RAD51B: variants seen among roughly 807,000 people sequenced by gnomAD.
The protein encoded by RAD51B is RAD51 paralog B, also known as DNA repair protein RAD51 homolog 2.
RAD51B carries 38 observed loss-of-function variants against 42.2 expected under a neutral mutation model. That is an observed-to-expected ratio of 0.90 (90% CI 0.70 to 1.18). The LOEUF is 1.18. Ranked by LOEUF, RAD51B falls within the 50% of genes most tolerant of loss-of-function variation. The pLI is 0.00. For missense variants in RAD51B, 373 were observed against 400.7 expected (o/e 0.93, Z 0.59); for synonymous variants, 154 against 145.2 (o/e 1.06, Z -0.43).
intron 7 of RAD51B, among the ~76,000 whole-genome samples, chr14:67,961,147 C>T (rs568636539): frequency 3.9e-5 from 6 of 151,934 alleles, no homozygotes; most frequent in Admixed American, 3.9e-4. Context: ...GCTGGGGCCA[C>T]AGGTGTGCGC....
chr14:68,199,670 C>A lies in RAD51B; in HGVS notation c.757-92214C>A, dbSNP rs546700501. 3.7e-4 allele frequency among the ~76,000 whole-genome samples: 57 copies of A among 152,358 alleles called. 1 individual carries two copies. The highest frequency in any genetic ancestry group is 1.4e-3 in the African/African-American group (57 of 41,588). ...TTCATCTCATTCCGTCCTCCCCCTT[C>A]AGTTCTTTGGTCCGAGACCCAATAG... is the stretch of plus-strand genomic sequence containing the variant. On this transcript the variant is annotated intron_variant, in intron 7 of 10. Coordinates refer to ENST00000471583, the MANE Select transcript of RAD51B (RefSeq NM_133510.4).
rs866326034 is a variant in RAD51B, at chr14:67,889,527, A to T, written c.756+2323A>T. Among the ~76,000 whole-genome samples, 8 of 148,210 alleles carry T rather than the reference A, an allele frequency of 5.4e-5. No homozygotes were observed. The South Asian group carries it at 1.7e-3, about 31-fold the overall frequency. ...TATATAAATATAAATATATAAAAAT[A>T]AAAAATATATATAATAAAAATATAT... On this transcript the variant is annotated intron_variant, in intron 7 of 10. Coordinates refer to ENST00000471583, the MANE Select transcript of RAD51B (RefSeq NM_133510.4).
chr14:67,823,934 A>G (rs1312012392), intron 2 of RAD51B, among the ~76,000 whole-genome samples: 1 of 152,252 alleles, frequency 6.6e-6, no homozygotes, highest in Non-Finnish European at 1.5e-5. Flanking sequence ...ACTATTCAAC[A>G]TGTATCATTT....
chr14:68,265,889 G>T (rs1016487885), intron 7 of RAD51B, among the ~76,000 whole-genome samples: 1 of 152,218 alleles, frequency 6.6e-6, no homozygotes, highest in Non-Finnish European at 1.5e-5. Flanking sequence ...TTTTGAGAGA[G>T]ATATAAATAT....
intron 8 of RAD51B, among the ~76,000 whole-genome samples, chr14:68,326,201 C>T (rs1411363128): frequency 3.3e-5 from 5 of 151,550 alleles, no homozygotes; most frequent in Admixed American, 6.6e-5. Context: ...CCACCACACC[C>T]GGCTAATGTT....
intron 10 of RAD51B, chr14:68,540,364 G>C: frequency 9.5e-7 from 1 of 1,051,064 alleles, no homozygotes; most frequent in Non-Finnish European, 1.1e-6. Context: ...ATTGAGATAA[G>C]GTCCACTTAC....
At chr14:68,265,209 A>G (rs1482423488) in intron 7 of RAD51B, among the ~76,000 whole-genome samples, 1 of 152,260 alleles carries the variant, frequency 6.6e-6, no homozygotes, top group Non-Finnish European at 1.5e-5. Context: ...ATTCAGAACT[A>G]GAATTATAAT....
At chr14:68,411,990 C>T (rs944526244) in intron 9 of RAD51B, among the ~76,000 whole-genome samples, 2 of 152,192 alleles carry the variant, frequency 1.3e-5, no homozygotes, top group African/African-American at 4.8e-5. Context: ...TTAACGCATA[C>T]ACCTGTAGTG....
In RAD51B at chr14:68,565,506, C is replaced by A. The variant is rs1889379379; in HGVS notation, c.1037-28979C>A. ...CTCTGTCTCAAAAAAAAAAGAAGTTCTTTCTTACATTGAGGTGGAATCTGC... is the reference window on the plus strand; with the variant it reads ...CTCTGTCTCAAAAAAAAAAGAAGTTATTTCTTACATTGAGGTGGAATCTGC... On this transcript the variant is annotated intron_variant, in intron 10 of 10. Transcript: ENST00000487270. The surrounding 1 kb of genome is among the most constrained non-coding windows in gnomAD (Gnocchi z 4.1). Among the ~76,000 whole-genome samples the A allele has an allele frequency of 6.6e-6, 1 of 152,014 alleles. No homozygotes were observed. Among genetic ancestry groups the A allele is most frequent in the Non-Finnish European group, 1.5e-5 (1 of 68,004 alleles).
At chr14:68,429,068 T>A (rs1194527917) in intron 9 of RAD51B, among the ~76,000 whole-genome samples, 1 of 152,096 alleles carries the variant, frequency 6.6e-6, no homozygotes, top group Non-Finnish European at 1.5e-5. Flanking sequence ...TCCATGTCCC[T>A]ACAAAGGACA....
intron 7 of RAD51B, among the ~76,000 whole-genome samples, chr14:68,050,550 T>A (rs978856814): frequency 6.6e-6 from 1 of 152,212 alleles, no homozygotes; most frequent in Non-Finnish European, 1.5e-5. Context: ...CTGTGAGTAG[T>A]CCACCATCAA....
At chr14:68,350,892 A>G (rs1362901674) in intron 8 of RAD51B, among the ~76,000 whole-genome samples, 2 of 152,250 alleles carry the variant, frequency 1.3e-5, no homozygotes, top group Non-Finnish European at 2.9e-5. Context: ...AACTACCAGT[A>G]CAACTTAAGT....
At chr14:68,442,191 C>G (rs980741106) in intron 9 of RAD51B, among the ~76,000 whole-genome samples, 1 of 152,144 alleles carries the variant, frequency 6.6e-6, no homozygotes, top group South Asian at 2.1e-4. Context: ...TCTCTTTACT[C>G]TGCGTCCAGT....
At chr14:68,574,326 G>A (rs1049051874) in intron 10 of RAD51B, among the ~76,000 whole-genome samples, 12 of 152,064 alleles carry the variant, frequency 7.9e-5, no homozygotes, top group Admixed American at 2.0e-4. Flanking sequence ...AGGCTCAAGC[G>A]ATCCACCCGC....
intron 7 of RAD51B, among the ~76,000 whole-genome samples, chr14:68,103,469 G>C (rs897417561): frequency 6.6e-6 from 1 of 152,086 alleles, no homozygotes; most frequent in Non-Finnish European, 1.5e-5. Context: ...GCAACCAGAA[G>C]GTGAGGAACA....
At chr14:68,220,407 A>G (rs1390697783) in intron 7 of RAD51B, among the ~76,000 whole-genome samples, 1 of 152,192 alleles carries the variant, frequency 6.6e-6, no homozygotes, top group Non-Finnish European at 1.5e-5. Flanking sequence ...ATTTGACAAA[A>G]TCCAGCATCC....
chr14:68,638,909 T>A (rs1595041885), intron 10 of RAD51B, among the ~76,000 whole-genome samples: 1 of 152,204 alleles, frequency 6.6e-6, no homozygotes, highest in Middle Eastern at 3.4e-3. Context: ...GCACGTCGGG[T>A]ACTCAAACTC....
intron 7 of RAD51B, among the ~76,000 whole-genome samples, chr14:68,183,368 A>AAGGCCTAT (rs11282673): frequency 0.82 from 124,865 of 151,778 alleles, 51,574 homozygotes; most frequent in East Asian, 0.98. Flanking sequence ...GAGAAAGATG[A>AAGGCCTAT]AGACTCAGCA....
intron 7 of RAD51B, among the ~76,000 whole-genome samples, chr14:67,924,916 G>C (rs549108470): frequency 3.3e-5 from 5 of 152,232 alleles, no homozygotes; most frequent in Non-Finnish European, 5.9e-5. Context: ...CCTTCCGCCT[G>C]TGAGCCTGTA....
Sources: gnomAD v4.1 joint callset for allele counts (sites outside exome capture counted in the v4.1 genomes callset) on GRCh38, gnomAD v4.1.1 for gene constraint, Gnocchi (gnomAD v3.1) non-coding constraint, MANE v1.5 for transcripts, NCBI Gene and HGNC (gene_info 2026-07-23, HGNC 2026-07-21) for gene names.